The following PSD3 variants were observed in gnomAD, a reference collection of about 807,000 sequenced individuals.
The protein encoded by PSD3 is PH and SEC7 domain-containing protein 3.
A neutral mutation model predicts 105.5 loss-of-function variants in PSD3; 49 were observed. That is an observed-to-expected ratio of 0.46 (90% CI 0.37 to 0.59). The LOEUF is 0.59. Ranked by LOEUF, PSD3 falls within the 20% of genes least tolerant of loss-of-function variation. PSD3 has a pLI of 0.00. For synonymous variants in PSD3, 557 were observed against 457.8 expected, an observed-to-expected ratio of 1.22 and a Z score of -2.77; for missense variants, 1,561 against 1,263.8, an observed-to-expected ratio of 1.24 and a Z score of -3.57.
At chr8:18,584,352 C>T (rs79021004) in intron 12 of PSD3, among the ~76,000 whole-genome samples, 5,109 of 152,230 alleles carry the variant, frequency 0.034, 132 homozygotes, top group Non-Finnish European at 0.053. Flanking sequence ...AGACCTCTCC[C>T]CACAACAGCA....
chr8:18,714,625 A>T (rs1453534080), intron 9 of PSD3, among the ~76,000 whole-genome samples: 1 of 152,218 alleles, frequency 6.6e-6, no homozygotes, highest in Non-Finnish European at 1.5e-5. Context: ...CAAAGTCAAG[A>T]AACAACAGAT....
In PSD3 at chr8:19,004,953, TG is replaced by T. The variant is rs529366704; in HGVS notation, c.21+8609del. 4.6e-5 allele frequency among the ~76,000 whole-genome samples: 7 copies of T among 152,222 alleles called. No homozygotes were observed. The South Asian group carries it at 1.3e-3, about 27-fold the overall frequency. The stretch of plus-strand genomic sequence containing the variant: ...TGAGGCCTCCCCAGCCATGTGGAAC[TG>T]TAATTCCATTAAACCTCTTTCTTTT... On this transcript the variant is annotated intron_variant, in intron 1 of 15. Transcript: ENST00000327040.
At position 18,578,134 on chromosome 8, in the gene PSD3, CTTGTT is replaced by C. The variant is rs141962413; in HGVS notation, c.2482-2854_2482-2850del. ...GCCAATCTAATTATTTTCTCTTTTT[CTTGTT>C]TTTTTCTCTTAGGAATCACATATGG... On this transcript the variant is annotated intron_variant, in intron 12 of 15. Coordinates refer to ENST00000327040, the MANE Select transcript of PSD3 (RefSeq NM_015310.4). 6.6e-3 allele frequency among the ~76,000 whole-genome samples: 954 copies of C among 145,458 alleles called. 7 individuals carry two copies. The highest frequency in any genetic ancestry group is 0.022 in the African/African-American group (929 of 41,314).
Position 18,776,383 on chromosome 8 carries a change from A to ATT in PSD3, c.2083-10847_2083-10846dup, listed in dbSNP as rs764807241. Among the ~76,000 whole-genome samples the ATT allele has an allele frequency of 5.6e-3, 690 of 123,844 alleles. 9 individuals are homozygous for ATT. The highest frequency in any genetic ancestry group is 0.024 in the African/African-American group (668 of 27,656). 81.2% of individuals were successfully genotyped at this position (123,844 alleles called of 152,430 possible). A position where few individuals can be genotyped will look rare whatever the true frequency, so the allele number is the denominator to read the frequency against. ...ATATCTAAATATATGTATATATATA[A>ATT]TTTTTTTTTTTTGTTTTTGAGACGG... On this transcript the variant is annotated intron_variant, in intron 8 of 15. Coordinates refer to ENST00000327040, the MANE Select transcript of PSD3 (RefSeq NM_015310.4).
intron 12 of PSD3, among the ~76,000 whole-genome samples, chr8:18,591,084 C>T (rs1391242599): frequency 1.3e-5 from 2 of 152,152 alleles, no homozygotes; most frequent in Admixed American, 6.6e-5. Flanking sequence ...AAAATACCTA[C>T]TAAGACAATA....
intron 1 of PSD3, among the ~76,000 whole-genome samples, chr8:19,023,680 T>C (rs1397766150): frequency 1.3e-5 from 2 of 152,148 alleles, no homozygotes; most frequent in Non-Finnish European, 2.9e-5. Context: ...CAAGTGATCC[T>C]CCAGTCTCAG....
chr8:18,767,558 C>A (rs1323328005), intron 8 of PSD3, among the ~76,000 whole-genome samples: 1 of 152,002 alleles, frequency 6.6e-6, no homozygotes, highest in Non-Finnish European at 1.5e-5. Flanking sequence ...CCAGCCTGCT[C>A]AACATGGTGA....
chr8:18,726,655 G>C (rs913651549), intron 9 of PSD3, among the ~76,000 whole-genome samples: 11 of 152,150 alleles, frequency 7.2e-5, no homozygotes, highest in African/African-American at 2.7e-4. Context: ...CTCGATGTCT[G>C]TTCTGTTGCA....
intron 12 of PSD3, among the ~76,000 whole-genome samples, chr8:18,596,465 G>T (rs1804102282): frequency 6.6e-6 from 1 of 151,656 alleles, no homozygotes; most frequent in South Asian, 2.1e-4. Flanking sequence ...AGAAATAAAT[G>T]AAATAGAGAA....
chr8:18,990,784 C>T (rs530240684), intron 1 of PSD3, among the ~76,000 whole-genome samples: 2 of 152,204 alleles, frequency 1.3e-5, no homozygotes, highest in Non-Finnish European at 2.9e-5. Flanking sequence ...CTCCACCTAC[C>T]TTTCCATGAT....
chr8:18,936,760 A>T (rs1425153984), intron 1 of PSD3, among the ~76,000 whole-genome samples: 1 of 151,402 alleles, frequency 6.6e-6, no homozygotes, highest in Non-Finnish European at 1.5e-5. Context: ...TCCATCTCAA[A>T]AAAAAAAAAA....
chr8:19,025,771 G>A (rs1426843272), intron 1 of PSD3, among the ~76,000 whole-genome samples: 1 of 152,198 alleles, frequency 6.6e-6, no homozygotes, highest in African/African-American at 2.4e-5. Flanking sequence ...TTCCCAGTTG[G>A]CATCTTCAGA....
chr8:18,701,854 A>G (rs1002032401), intron 9 of PSD3, among the ~76,000 whole-genome samples: 3 of 152,204 alleles, frequency 2.0e-5, no homozygotes, highest in Non-Finnish European at 2.9e-5. Flanking sequence ...TATGAACACT[A>G]TTTCATCTCA....
intron 1 of PSD3, among the ~76,000 whole-genome samples, chr8:19,010,201 A>T (rs1210673770): frequency 5.3e-5 from 8 of 152,134 alleles, no homozygotes; most frequent in Non-Finnish European, 1.2e-4. Context: ...CCGCAGCCTG[A>T]CATGCAGGAA....
chr8:18,979,711 A>T (rs1264474741), intron 1 of PSD3: 1 of 185,304 alleles, frequency 5.4e-6, no homozygotes, highest in Non-Finnish European at 1.2e-5. Context: ...CAAGTTTTTC[A>T]CTAACACCAC....
chr8:18,651,650 G>A (rs568259170), intron 10 of PSD3, among the ~76,000 whole-genome samples: 2 of 152,234 alleles, frequency 1.3e-5, no homozygotes, highest in Admixed American at 6.5e-5. Flanking sequence ...ACCATAATGG[G>A]GTGTAGAAAC....
chr8:18,592,494 C>T (rs1401069136), intron 12 of PSD3, among the ~76,000 whole-genome samples: 1 of 152,102 alleles, frequency 6.6e-6, no homozygotes, highest in Non-Finnish European at 1.5e-5. Context: ...AACAGACATC[C>T]AGATTCGAGA....
chr8:18,645,310 T>A (rs1031065694), intron 10 of PSD3, among the ~76,000 whole-genome samples: 3 of 152,232 alleles, frequency 2.0e-5, no homozygotes, highest in Non-Finnish European at 2.9e-5. Context: ...ATGTTCAATA[T>A]CATTTTTAGC....
At position 18,572,566 on chromosome 8, in the gene PSD3, G is replaced by T; in HGVS notation, c.2746C>A (p.Arg916Ser). The T allele has an allele frequency of 6.2e-7, 1 of 1,613,964 alleles. No homozygotes were observed. Among genetic ancestry groups the T allele is most frequent in the Non-Finnish European group, 8.5e-7 (1 of 1,179,896 alleles). Reference sequence around the variant, plus strand: ...GTTGTAGTGGCAGGCAGAAGTGGGCGGCTAAACTTCTTCTGAGAGCCGATT... The same window carrying T: ...GTTGTAGTGGCAGGCAGAAGTGGGCTGCTAAACTTCTTCTGAGAGCCGATT... ...AAIGSQKKFS[R>S]PLLPATTTKL... Residue 916 changes from arginine to serine, a missense_variant, in exon 14 of 16, where the codon CGC becomes AGC. Arg to Ser is a moderately radical substitution (Grantham distance 110). Coordinates refer to ENST00000327040, the MANE Select transcript of PSD3 (RefSeq NM_015310.4).
Sources: allele counts gnomAD v4.1 joint callset (sites outside exome capture counted in the v4.1 genomes callset), GRCh38; gene constraint gnomAD v4.1.1; transcripts MANE v1.5; gene names NCBI Gene and HGNC (gene_info 2026-07-23, HGNC 2026-07-21).